Variants in COL6A6 observed in about 807,000 individuals in gnomAD.
COL6A6 encodes the protein collagen alpha-6(VI) chain.
In COL6A6, 183 loss-of-function variants were observed where a neutral mutation model predicts 208.6. The observed-to-expected ratio is 0.88, with a 90% CI of 0.78 to 0.99. COL6A6 has a LOEUF of 0.99. COL6A6 is among the 50% of genes least tolerant of loss of function. The pLI, the probability that COL6A6 is intolerant of heterozygous loss-of-function variation, is 0.00. For synonymous variants in COL6A6, 973 were observed against 1,011.8 expected (o/e 0.96, Z 0.73); for missense variants, 2,816 against 2,815.2 (o/e 1.00, Z -0.01).
chr3:130,541,289 A>T (rs758274065), intron 1 of COL6A6, among the ~76,000 whole-genome samples: 9 of 152,190 alleles, frequency 5.9e-5, no homozygotes, highest in Non-Finnish European at 1.3e-4. Flanking sequence ...CTTAGCAATA[A>T]ACACTTGAGT....
intron 8 of COL6A6, among the ~76,000 whole-genome samples, chr3:130,581,145 A>G (rs1210112985): frequency 6.6e-6 from 1 of 152,132 alleles, no homozygotes; most frequent in Non-Finnish European, 1.5e-5. Flanking sequence ...CTTTATTCAA[A>G]TGTTCTTAAA....
chr3:130,657,563 CTATT>C (rs754669679), intron 33 of COL6A6, among the ~76,000 whole-genome samples: 1 of 151,674 alleles, frequency 6.6e-6, no homozygotes, highest in Non-Finnish European at 1.5e-5. Flanking sequence ...TAAGACTTGG[CTATT>C]TGTTTAAAAC....
At chr3:130,526,972 C>T (rs1043793444) in intron 1 of COL6A6, among the ~76,000 whole-genome samples, 10 of 151,054 alleles carry the variant, frequency 6.6e-5, no homozygotes, top group Non-Finnish European at 8.9e-5. Flanking sequence ...TAAGGAAAAT[C>T]GGTCTCCGAG....
chr3:130,559,036 T>C (rs1314316049), intron 1 of COL6A6, among the ~76,000 whole-genome samples: 1 of 152,140 alleles, frequency 6.6e-6, no homozygotes, highest in Non-Finnish European at 1.5e-5. Flanking sequence ...AGAATAGTAA[T>C]AATACCTGCT....
chr3:130,610,366 T>C (rs1433558633), intron 22 of COL6A6, among the ~76,000 whole-genome samples: 1 of 152,118 alleles, frequency 6.6e-6, no homozygotes, highest in South Asian at 2.1e-4. Flanking sequence ...TGTAGGGAAA[T>C]GTAGAAAGCA....
intron 11 of COL6A6, 104 bp from the exon 12 acceptor site, chr3:130,588,986 G>C: frequency 1.5e-6 from 1 of 688,220 alleles, no homozygotes; most frequent in South Asian, 2.4e-5. Flanking sequence ...TGGTGACCAG[G>C]CTTCTGAAAC....
intron 1 of COL6A6, among the ~76,000 whole-genome samples, chr3:130,549,087 T>C (rs1369048312): frequency 6.6e-6 from 1 of 152,244 alleles, no homozygotes; most frequent in East Asian, 1.9e-4. Context: ...ACTTTAGTTG[T>C]TTCTAATGCT....
intron 1 of COL6A6, among the ~76,000 whole-genome samples, chr3:130,527,667 T>G (rs1049093466): frequency 6.6e-6 from 1 of 152,254 alleles, no homozygotes; most frequent in African/African-American, 2.4e-5. Flanking sequence ...TTTCATTTAA[T>G]GAACAGCTGG....
intron 19 of COL6A6, among the ~76,000 whole-genome samples, chr3:130,599,003 C>G (rs79397854): frequency 6.6e-6 from 1 of 152,030 alleles, no homozygotes; most frequent in Non-Finnish European, 1.5e-5. Context: ...GAAAGAAGTA[C>G]GATAAAGTGG....
intron 1 of COL6A6, among the ~76,000 whole-genome samples, chr3:130,527,658 T>C (rs7615848): frequency 0.76 from 116,342 of 152,166 alleles, 46,470 homozygotes; most frequent in Non-Finnish European, 0.88. Context: ...ATATGGATAT[T>C]TCATTTAATG....
intron 1 of COL6A6, among the ~76,000 whole-genome samples, chr3:130,520,280 C>A (rs901945690): frequency 3.3e-5 from 5 of 152,084 alleles, no homozygotes; most frequent in African/African-American, 1.2e-4. Flanking sequence ...AAGCAGTTAC[C>A]AAAAGCTACG....
chr3:130,593,295 T>C, intron 17 of COL6A6, 43 bp downstream of exon 17: 1 of 1,488,738 alleles, frequency 6.7e-7, no homozygotes, highest in Non-Finnish European at 9.4e-7. Flanking sequence ...GTACTGGGGA[T>C]TAAGGGTGTG....
chr3:130,665,133 G>GC (rs746032816), intron 36 of COL6A6, 37 bp downstream of exon 36: 2 of 1,376,366 alleles, frequency 1.5e-6, no homozygotes, highest in Non-Finnish European at 2.0e-6. Context: ...AAATGAGAAT[G>GC]CCCCCTGCCT....
Position 130,571,166 on chromosome 3 carries a change from T to C in COL6A6, c.2750T>C (p.Val917Ala). Residue 917 changes from valine to alanine, a missense_variant, in exon 7 of 37, where the codon GTG becomes GCG. Val to Ala is a moderately conservative substitution (Grantham distance 64, BLOSUM62 0). Transcript: ENST00000358511. ...AAGGGGGTCCCCCAAGTCCTCATTGTGATCACCGATGGGGAATCCCATGAT... is the reference window on the plus strand; with the variant it reads ...AAGGGGGTCCCCCAAGTCCTCATTGCGATCACCGATGGGGAATCCCATGAT... ...LNKGVPQVLI[V>A]ITDGESHDAD... The C allele has an allele frequency of 5.6e-6, 9 of 1,613,368 alleles. No individual in the cohort carries two copies. The highest frequency in any genetic ancestry group is 7.6e-6 in the Non-Finnish European group (9 of 1,179,464).
chr3:130,668,297 T>C (rs1424921840), intron 36 of COL6A6, among the ~76,000 whole-genome samples: 1 of 151,860 alleles, frequency 6.6e-6, no homozygotes, highest in African/African-American at 2.4e-5. Context: ...GCCAACATGG[T>C]GAAACCTCAT....
chr3:130,535,382 T>G (rs2062200008), intron 1 of COL6A6, among the ~76,000 whole-genome samples: 1 of 152,188 alleles, frequency 6.6e-6, no homozygotes, highest in African/African-American at 2.4e-5. Context: ...GCTCCAGCTA[T>G]TTTATGCTTT....
In COL6A6 at chr3:130,657,010, C is replaced by T. The variant is rs2065808685; in HGVS notation, c.5734-1666C>T. Among the ~76,000 whole-genome samples, 3 of 152,228 alleles carry T rather than the reference C, an allele frequency of 2.0e-5. No homozygotes were observed. The South Asian group carries it at 6.2e-4, about 31-fold the overall frequency. On this transcript the variant is annotated intron_variant, in intron 33 of 36. Coordinates refer to ENST00000358511, the MANE Select transcript of COL6A6 (RefSeq NM_001102608.3). ...CAGGTCTCCAAGAGTGCAGAAATGC[C>T]TGGGCCCACAGCCGCAGCCAGACGG...
chr3:130,672,577 A>AT (rs2066245614), intron 36 of COL6A6, among the ~76,000 whole-genome samples: 1 of 151,718 alleles, frequency 6.6e-6, no homozygotes, highest in African/African-American at 2.4e-5. Flanking sequence ...TAATTTTTGT[A>AT]TTTTTAGCAG....
chr3:130,636,321 A>G (rs541685672), intron 28 of COL6A6, among the ~76,000 whole-genome samples: 1 of 152,344 alleles, frequency 6.6e-6, no homozygotes, highest in South Asian at 2.1e-4. Flanking sequence ...GAATAAACAC[A>G]GGTCTCCAGT....
Sources: allele counts gnomAD v4.1 joint callset (sites outside exome capture counted in the v4.1 genomes callset), GRCh38; gene constraint gnomAD v4.1.1; transcripts MANE v1.5; gene names NCBI Gene and HGNC (gene_info 2026-07-23, HGNC 2026-07-21).